Variants in PAPSS2 observed in about 807,000 individuals in gnomAD.
PAPSS2 encodes bifunctional 3'-phosphoadenosine 5'-phosphosulfate synthase 2.
In PAPSS2, 61 loss-of-function variants were observed where a neutral mutation model predicts 66.5. The observed-to-expected ratio is 0.92, with a 90% CI of 0.75 to 1.14. The LOEUF (loss-of-function observed/expected upper bound fraction) is 1.14, where lower values mean the gene tolerates loss of function less well. Ranked by LOEUF, PAPSS2 falls within the 50% of genes most tolerant of loss-of-function variation. The pLI, the probability that PAPSS2 is intolerant of heterozygous loss-of-function variation, is 0.00. For synonymous variants in PAPSS2, 289 were observed against 287.5 expected, an observed-to-expected ratio of 1.01 and a Z score of -0.05; for missense variants, 708 against 789.6, an observed-to-expected ratio of 0.90 and a Z score of 1.24.
intron 9 of PAPSS2, among the ~76,000 whole-genome samples, chr10:87,739,845 T>C (rs1402615069): frequency 2.0e-5 from 3 of 152,232 alleles, no homozygotes; most frequent in Non-Finnish European, 4.4e-5. Context: ...AAGAGTGTTC[T>C]TGATGAAGCT....
chr10:87,680,060 T>C (rs1853000333), intron 1 of PAPSS2, among the ~76,000 whole-genome samples: 1 of 149,690 alleles, frequency 6.7e-6, no homozygotes, highest in South Asian at 2.1e-4. Context: ...CTCATCACAG[T>C]CTCCACTGTT....
At chr10:87,690,163 GTAA>G (rs1350842375) in intron 1 of PAPSS2, among the ~76,000 whole-genome samples, 2 of 152,086 alleles carry the variant, frequency 1.3e-5, no homozygotes, top group African/African-American at 4.8e-5. Flanking sequence ...TGCAATGTTT[GTAA>G]TAATAAAAGA....
At position 87,745,892 on chromosome 10, in the gene PAPSS2, G is replaced by T; in HGVS notation, c.1782G>T (p.Glu594Asp). Reference sequence around the variant, plus strand: ...TGAGGAAGCTCGCCCGGGAAGGAGAGAATCCCCCAGATGGCTTCATGGCCC... The same window carrying T: ...TGAGGAAGCTCGCCCGGGAAGGAGATAATCCCCCAGATGGCTTCATGGCCC... ...TRMRKLAREG[E>D]NPPDGFMAPK... The change falls in exon 13 of 13, where the codon GAG becomes GAT. Residue 594 changes from glutamate (E) to aspartate (D), a missense_variant. Coordinates refer to ENST00000456849, the MANE Select transcript of PAPSS2 (RefSeq NM_001015880.2). The T allele has an allele frequency of 6.2e-7, 1 of 1,614,106 alleles. No individual in the cohort carries two copies. The highest frequency in any genetic ancestry group is 8.5e-7 in the Non-Finnish European group (1 of 1,179,980).
chr10:87,673,551 T>C (rs1488737272), intron 1 of PAPSS2, among the ~76,000 whole-genome samples: 1 of 141,456 alleles, frequency 7.1e-6, no homozygotes, highest in African/African-American at 2.7e-5. Context: ...TTCTTAGCTG[T>C]GTGTGTGTTT....
Position 87,745,913 on chromosome 10 carries a change from G to A in PAPSS2, c.1803G>A (p.Met601Ile). Residue 601 changes from methionine (M) to isoleucine (I), a missense_variant, in exon 13 of 13, where the codon ATG becomes ATA. Coordinates refer to ENST00000456849, the MANE Select transcript of PAPSS2 (RefSeq NM_001015880.2). ...GAGAGAATCCCCCAGATGGCTTCAT[G>A]GCCCCCAAAGCATGGAAGGTCCTGA... ...REGENPPDGFMAPKAWKVLTD... is the reference protein window; with the variant it reads ...REGENPPDGFIAPKAWKVLTD... 1 of 1,614,028 alleles carries A rather than the reference G, an allele frequency of 6.2e-7. No homozygotes were observed. The highest frequency in any genetic ancestry group is 1.1e-5 in the South Asian group (1 of 91,078).
At position 87,746,049 on chromosome 10, in the gene PAPSS2, A is replaced by G; in HGVS notation, c.*79A>G. 1 of 1,389,318 alleles carries G rather than the reference A, an allele frequency of 7.2e-7. No homozygotes were observed. The highest frequency in any genetic ancestry group is 1.2e-5 in the South Asian group (1 of 83,972). 86.1% of individuals were successfully genotyped at this position (1,389,318 alleles called of 1,614,324 possible). A position where few individuals can be genotyped will look rare whatever the true frequency, so the allele number is the denominator to read the frequency against. ...TTTATGATTAGATGCTTTGTATTAA[A>G]TTGCTTCTCAATGATGCATTTTAAT... On this transcript the variant is annotated 3_prime_UTR_variant, in exon 13 of 13. Coordinates refer to ENST00000456849, the MANE Select transcript of PAPSS2 (RefSeq NM_001015880.2).
At chr10:87,675,685 C>A (rs893190074) in intron 1 of PAPSS2, among the ~76,000 whole-genome samples, 1 of 152,204 alleles carries the variant, frequency 6.6e-6, no homozygotes, top group African/African-American at 2.4e-5. Flanking sequence ...GATCTGAGAG[C>A]CACCTTAGAG....
intron 1 of PAPSS2, among the ~76,000 whole-genome samples, chr10:87,699,579 C>A (rs115035762): frequency 3.3e-5 from 5 of 152,124 alleles, no homozygotes; most frequent in African/African-American, 1.2e-4. Flanking sequence ...TGTCTGGGAG[C>A]GGTGGCTCAC....
chr10:87,678,935 T>C (rs866993318), intron 1 of PAPSS2, among the ~76,000 whole-genome samples: 55 of 152,186 alleles, frequency 3.6e-4, no homozygotes, highest in African/African-American at 1.3e-3. Flanking sequence ...GGGTATCTAT[T>C]CAAAGGAAAA....
At chr10:87,689,049 T>G (rs1853129494) in intron 1 of PAPSS2, among the ~76,000 whole-genome samples, 2 of 150,980 alleles carry the variant, frequency 1.3e-5, no homozygotes, top group Non-Finnish European at 1.5e-5. Context: ...GAACCAGGGG[T>G]CAGGGCCGGG....
At chr10:87,707,145 C>T (rs1201322549) in intron 1 of PAPSS2, among the ~76,000 whole-genome samples, 4 of 152,224 alleles carry the variant, frequency 2.6e-5, no homozygotes, top group Non-Finnish European at 5.9e-5. Context: ...CCACTCTGTG[C>T]TCTGCCTTTC....
intron 1 of PAPSS2, among the ~76,000 whole-genome samples, chr10:87,671,776 T>G (rs1243397104): frequency 6.6e-6 from 1 of 152,066 alleles, no homozygotes; most frequent in Non-Finnish European, 1.5e-5. Context: ...GAAAAAAATA[T>G]AAAGAAAATA....
intron 8 of PAPSS2, 55 bp from the exon 9 acceptor site, chr10:87,727,229 C>T: frequency 1.4e-6 from 2 of 1,456,806 alleles, no homozygotes; most frequent in Non-Finnish European, 1.9e-6. Context: ...ATTCATGCTT[C>T]AAGGATGGCA....
chr10:87,723,390 C>T (rs1381339877), intron 8 of PAPSS2, among the ~76,000 whole-genome samples: 1 of 152,102 alleles, frequency 6.6e-6, no homozygotes, highest in Admixed American at 6.6e-5. Flanking sequence ...CTGCAGCAAC[C>T]CATGGAGATA....
At chr10:87,681,330 A>G (rs1199304975) in intron 1 of PAPSS2, among the ~76,000 whole-genome samples, 1 of 152,222 alleles carries the variant, frequency 6.6e-6, no homozygotes, top group Non-Finnish European at 1.5e-5. Context: ...TACCACCATC[A>G]GAATAAAAAG....
At chr10:87,661,376 G>A (rs1474271870) in intron 1 of PAPSS2, among the ~76,000 whole-genome samples, 1 of 152,134 alleles carries the variant, frequency 6.6e-6, no homozygotes. Context: ...GACTCTCAGC[G>A]TTGTAACATA....
intron 1 of PAPSS2, among the ~76,000 whole-genome samples, chr10:87,706,984 C>G (rs879914604): frequency 6.6e-6 from 1 of 152,160 alleles, no homozygotes; most frequent in Non-Finnish European, 1.5e-5. Context: ...ATGAGCAGAA[C>G]GTCTAGCTTT....
intron 1 of PAPSS2, among the ~76,000 whole-genome samples, chr10:87,661,503 A>T (rs1296301950): frequency 1.3e-5 from 2 of 152,184 alleles, no homozygotes; most frequent in African/African-American, 2.4e-5. Flanking sequence ...GTAGCTTTTT[A>T]TATCAGTGGG....
At chr10:87,709,161 AT>A (rs1853432928) in intron 1 of PAPSS2, 34 bp from the exon 2 acceptor site, 2 of 1,386,782 alleles carry the variant, frequency 1.4e-6, no homozygotes, top group African/African-American at 1.4e-5. Context: ...TGTTTTATTA[AT>A]TAATACTGTG....
Sources: gnomAD v4.1 joint callset for allele counts (sites outside exome capture counted in the v4.1 genomes callset) on GRCh38, gnomAD v4.1.1 for gene constraint, MANE v1.5 for transcripts, NCBI Gene and HGNC (gene_info 2026-07-23, HGNC 2026-07-21) for gene names.